CADM2: variants seen among roughly 807,000 people sequenced by gnomAD.
The protein encoded by CADM2 is cell adhesion molecule 2, also known as immunoglobulin superfamily member 4D.
In CADM2, 12 loss-of-function variants were observed where a neutral mutation model predicts 49.8. The ratio of observed to expected loss-of-function variants is 0.24; its 90% confidence interval spans 0.15 to 0.39. The LOEUF (loss-of-function observed/expected upper bound fraction) is 0.39. Among genes scored for constraint, CADM2 ranks in the 10% least tolerant of loss-of-function variants. The pLI is 1.00. For missense variants in CADM2, 378 were observed against 492.3 expected, an observed-to-expected ratio of 0.77 and a Z score of 2.20; for synonymous variants, 214 against 175.4, an observed-to-expected ratio of 1.22 and a Z score of -1.74.
At chr3:85,125,496 C>T (rs544527872) in intron 1 of CADM2, among the ~76,000 whole-genome samples, 21 of 152,168 alleles carry the variant, frequency 1.4e-4, no homozygotes, top group African/African-American at 4.1e-4. Flanking sequence ...GTGGCCAGGA[C>T]TACAGGCGTG....
chr3:85,016,602 G>A, intron 1 of CADM2, among the ~76,000 whole-genome samples: 1 of 152,090 alleles, frequency 6.6e-6, no homozygotes, highest in Non-Finnish European at 1.5e-5. Flanking sequence ...AGGCCAGCCT[G>A]GCCAACACAG....
chr3:85,844,203 A>T (rs1362241340), intron 3 of CADM2, among the ~76,000 whole-genome samples: 1 of 152,106 alleles, frequency 6.6e-6, no homozygotes, highest in Non-Finnish European at 1.5e-5. Context: ...CCTTTTTTCA[A>T]TATTATAGAA....
intron 1 of CADM2, among the ~76,000 whole-genome samples, chr3:85,709,616 A>G (rs1183761897): frequency 6.6e-6 from 1 of 152,164 alleles, no homozygotes; most frequent in Non-Finnish European, 1.5e-5. Flanking sequence ...TTTAAATGGC[A>G]TAAAATGCCT....
intron 8 of CADM2, among the ~76,000 whole-genome samples, chr3:85,996,071 C>A (rs1729374311): frequency 6.9e-6 from 1 of 145,538 alleles, no homozygotes; most frequent in Non-Finnish European, 1.5e-5. Context: ...GCCTGGGCGA[C>A]AGAGCAAGAC....
intron 1 of CADM2, among the ~76,000 whole-genome samples, chr3:85,616,953 T>G (rs2063816266): frequency 6.6e-6 from 1 of 152,074 alleles, no homozygotes; most frequent in South Asian, 2.1e-4. Context: ...GAGTAACCAA[T>G]TATAAAGAAA....
At chr3:85,606,765 C>A (rs890870446) in intron 1 of CADM2, among the ~76,000 whole-genome samples, 1 of 151,452 alleles carries the variant, frequency 6.6e-6, no homozygotes, top group Admixed American at 6.6e-5. Context: ...GTAATGGAAG[C>A]GAGTGGAAGA....
chr3:85,348,237 C>T (rs2030967441), intron 1 of CADM2, among the ~76,000 whole-genome samples: 1 of 152,140 alleles, frequency 6.6e-6, no homozygotes, highest in Non-Finnish European at 1.5e-5. Flanking sequence ...GGGAAGAATT[C>T]TCTCTTACTC....
At chr3:85,503,334 A>C (rs2040194401) in intron 1 of CADM2, among the ~76,000 whole-genome samples, 1 of 152,164 alleles carries the variant, frequency 6.6e-6, no homozygotes, top group Admixed American at 6.5e-5. Flanking sequence ...CAAAACAGTT[A>C]TATTGATTTT....
intron 1 of CADM2, among the ~76,000 whole-genome samples, chr3:85,098,252 C>T (rs942471876): frequency 6.5e-5 from 7 of 108,006 alleles, no homozygotes; most frequent in Non-Finnish European, 1.3e-4. Context: ...TGGACATTAT[C>T]GTAGAAAAAA....
At chr3:85,044,796 T>C (rs1336337878) in intron 1 of CADM2, among the ~76,000 whole-genome samples, 1 of 78,038 alleles carries the variant, frequency 1.3e-5, no homozygotes. Flanking sequence ...TTCTTTCTTT[T>C]TTCTTTTCTT....
chr3:84,967,505 A>G (rs2031091550), intron 1 of CADM2, among the ~76,000 whole-genome samples: 1 of 152,140 alleles, frequency 6.6e-6, no homozygotes, highest in South Asian at 2.1e-4. Flanking sequence ...TAGAATATTT[A>G]TATGTAAAAG....
intron 3 of CADM2, among the ~76,000 whole-genome samples, chr3:85,817,682 T>C (rs1411889020): frequency 2.6e-5 from 4 of 152,162 alleles, no homozygotes; most frequent in Admixed American, 2.0e-4. Context: ...TGTGTGATCT[T>C]GAACCGACCT....
intron 1 of CADM2, among the ~76,000 whole-genome samples, chr3:85,593,370 A>T (rs2063159212): frequency 6.6e-6 from 1 of 152,002 alleles, no homozygotes; most frequent in South Asian, 2.1e-4. Context: ...TTTGAATACC[A>T]TCTCTGTCAA....
intron 1 of CADM2, among the ~76,000 whole-genome samples, chr3:85,643,581 G>T (rs1286254720): frequency 2.0e-5 from 3 of 152,040 alleles, no homozygotes; most frequent in Non-Finnish European, 4.4e-5. Context: ...TAATGGGGGA[G>T]GGGAGTTGAC....
chr3:85,886,064 T>C, intron 4 of CADM2, 126 bp from the exon 5 acceptor site: 3 of 1,388,260 alleles, frequency 2.2e-6, no homozygotes, highest in Non-Finnish European at 2.9e-6. Context: ...CATAGTAGTT[T>C]GTTCATCTTG....
intron 8 of CADM2, among the ~76,000 whole-genome samples, chr3:85,974,251 A>G (rs1488610816): frequency 2.6e-5 from 4 of 151,594 alleles, no homozygotes; most frequent in Admixed American, 6.6e-5. Flanking sequence ...ATGGACATGA[A>G]TGAGATAACA....
chr3:85,485,070 G>T (rs936677154), intron 1 of CADM2, among the ~76,000 whole-genome samples: 1 of 151,614 alleles, frequency 6.6e-6, no homozygotes, highest in Non-Finnish European at 1.5e-5. Context: ...GACAATAAAA[G>T]GTGCAAAATG....
At chr3:85,907,859 C>T (rs917135288) in intron 5 of CADM2, among the ~76,000 whole-genome samples, 10 of 150,282 alleles carry the variant, frequency 6.7e-5, no homozygotes, top group African/African-American at 2.5e-4. Flanking sequence ...TGCAGTGAGC[C>T]AAGATTGCGC....
chr3:85,978,983 G>T (rs1276903853), intron 8 of CADM2, among the ~76,000 whole-genome samples: 1 of 151,552 alleles, frequency 6.6e-6, no homozygotes, highest in Non-Finnish European at 1.5e-5. Flanking sequence ...TTGTGTTGGA[G>T]CATGAAAAAG....
Sources: gnomAD v4.1 joint callset for allele counts (sites outside exome capture counted in the v4.1 genomes callset) on GRCh38, gnomAD v4.1.1 for gene constraint, MANE v1.5 for transcripts, NCBI Gene and HGNC (gene_info 2026-07-23, HGNC 2026-07-21) for gene names.